HMGN1: variants seen among roughly 807,000 people sequenced by gnomAD.
HMGN1 encodes the protein high mobility group nucleosome binding domain 1.
Under a neutral mutation model 18.4 loss-of-function variants are expected in HMGN1, and 9 were observed. The ratio of observed to expected loss-of-function variants is 0.49; its 90% CI spans 0.29 to 0.85. HMGN1 has a LOEUF of 0.85. Ranked by LOEUF, HMGN1 falls within the 40% of genes least tolerant of loss-of-function variation. HMGN1 has a pLI of 0.07. For missense variants in HMGN1, 151 were observed against 119.2 expected (o/e 1.27, Z -1.24); for synonymous variants, 59 against 45.0 (o/e 1.31, Z -1.24).
At chr21:39,348,816 G>T in intron 1 of HMGN1, 87 bp downstream of exon 1, 2 of 1,044,814 alleles carry the variant, frequency 1.9e-6, no homozygotes, top group Non-Finnish European at 2.4e-6. Flanking sequence ...CGCCACCGTG[G>T]GTGCAACGGG....
rs755792513 is a variant in HMGN1 at position 39,348,357 on chromosome 21, C to T, written c.79-18G>A. On this transcript the variant is annotated intron_variant, in intron 3 of 5. Transcript: ENST00000380749. ...GGAGGTTTCTGAAAGGCAAAAGCAG[C>T]ACTGAGCGTCCTCACCCGGGACGAC... is the stretch of plus-strand genomic sequence containing the variant. The T allele has an allele frequency of 1.1e-5, 17 of 1,614,078 alleles. No individual in the cohort carries two copies. Among genetic ancestry groups the T allele is most frequent in the African/African-American group, 1.3e-5 (1 of 74,934 alleles).
Position 39,348,956 on chromosome 21 carries a change from GA to G in HMGN1, c.-40del. On this transcript the variant is annotated 5_prime_UTR_variant, in exon 1 of 6. Coordinates refer to ENST00000380749, the MANE Select transcript of HMGN1 (RefSeq NM_004965.7). Reference sequence around the variant, plus strand: ...AAGGCGCGTGCCGGGTGCCTGCGGGGAAGGCGCGTGCCGGGTGCCTGCGGGC... The same window carrying G: ...AAGGCGCGTGCCGGGTGCCTGCGGGGAGGCGCGTGCCGGGTGCCTGCGGGC... 8.3e-7 allele frequency: 1 copy of G among 1,199,312 alleles called. No individual in the cohort carries two copies. Among genetic ancestry groups the G allele is most frequent in the East Asian group, 3.5e-5 (1 of 28,958 alleles). The allele number at this position is 1,199,312 out of a possible 1,614,324, so 74.3% of individuals were successfully genotyped here. A position where few individuals can be genotyped will look rare whatever the true frequency, so the allele number is the denominator to read the frequency against.
intron 5 of HMGN1, among the ~76,000 whole-genome samples, chr21:39,343,540 T>A (rs1281481241): frequency 2.0e-5 from 3 of 152,256 alleles, no homozygotes; most frequent in Non-Finnish European, 2.9e-5. Flanking sequence ...CCCCCACGCA[T>A]CTTGTTCAAG....
chr21:39,343,230 G>T (rs1050126274), intron 5 of HMGN1, 71 bp from the exon 6 acceptor site: 2 of 1,426,432 alleles, frequency 1.4e-6, no homozygotes, highest in African/African-American at 2.9e-5. Context: ...CAACTATCAG[G>T]TCTTTAAAAA....
intron 5 of HMGN1, 117 bp downstream of exon 5, chr21:39,345,029 T>G (rs1443553553): frequency 8.0e-7 from 1 of 1,250,202 alleles, no homozygotes; most frequent in African/African-American, 1.5e-5. Flanking sequence ...CGTACAAAAC[T>G]TTGTTCAATA....
At chr21:39,347,623 A>G (rs2037102222) in intron 4 of HMGN1, 1 of 377,746 alleles carries the variant, frequency 2.6e-6, no homozygotes, top group South Asian at 2.0e-5. Flanking sequence ...CTATATCCAA[A>G]CACAAAGCTT....
In HMGN1 at chr21:39,342,732, G is replaced by T. The variant is rs563492035; in HGVS notation, c.*380C>A. On this transcript the variant is annotated 3_prime_UTR_variant, in exon 6 of 6. Coordinates refer to ENST00000380749, the MANE Select transcript of HMGN1 (RefSeq NM_004965.7). ...ACTAAAAAACAACATGGTAATAGAA[G>T]TAATTTAAAATGTTCAAGACATTAA... 1.0e-3 allele frequency: 451 copies of T among 444,264 alleles called. No homozygotes were observed. The highest frequency in any genetic ancestry group is 8.9e-3 in the African/African-American group (424 of 47,504). The allele number at this position is 444,264 out of a possible 1,614,324, so 27.5% of individuals were successfully genotyped here.
chr21:39,348,716 CG>C, intron 1 of HMGN1, 139 bp from the exon 2 acceptor site: 2 of 1,175,858 alleles, frequency 1.7e-6, no homozygotes, highest in Non-Finnish European at 2.3e-6. Context: ...TCAGCTCCCC[CG>C]GCCGCCAAAC....
chr21:39,348,529 G>A lies in HMGN1; in HGVS notation c.48+16C>T, dbSNP rs779944673. The A allele has an allele frequency of 7.1e-5, 114 of 1,613,378 alleles. No individual in the cohort carries two copies. Among genetic ancestry groups the A allele is most frequent in the Non-Finnish European group, 9.0e-5 (106 of 1,179,836 alleles). On this transcript the variant is annotated intron_variant, in intron 2 of 5. Coordinates refer to ENST00000380749, the MANE Select transcript of HMGN1 (RefSeq NM_004965.7). ...CACGGGAAACCCACCACCCCCCGCA[G>A]AAGGCCCGCACTCACCTCTTCCTTG...
intron 4 of HMGN1, chr21:39,348,056 A>C: frequency 9.8e-7 from 1 of 1,022,112 alleles, no homozygotes; most frequent in Non-Finnish European, 1.4e-6. Context: ...CTTAATATTT[A>C]ATATTTTTTG....
chr21:39,343,782 C>G (rs528242771), intron 5 of HMGN1, among the ~76,000 whole-genome samples: 18 of 152,214 alleles, frequency 1.2e-4, no homozygotes, highest in African/African-American at 3.9e-4. Context: ...CTGTACTTCC[C>G]CTATGTGAAA....
intron 4 of HMGN1, chr21:39,347,347 A>G: frequency 9.4e-7 from 1 of 1,064,796 alleles, no homozygotes; most frequent in Non-Finnish European, 1.2e-6. Flanking sequence ...AAAAATTTAA[A>G]TTAAAAAAGA....
chr21:39,348,712 C>T (rs1328089432), intron 1 of HMGN1, 135 bp from the exon 2 acceptor site: 2 of 1,168,638 alleles, frequency 1.7e-6, no homozygotes, highest in Non-Finnish European at 1.1e-6. Flanking sequence ...CCCCTCAGCT[C>T]CCCCGGCCGC....
chr21:39,349,022 G>A lies in HMGN1; in HGVS notation c.-105C>T, dbSNP rs1320159483. The A allele has an allele frequency of 3.9e-5, 45 of 1,160,594 alleles. No homozygotes were observed. Among genetic ancestry groups the A allele is most frequent in the East Asian group, 1.4e-4 (4 of 28,472 alleles). 71.9% of individuals were successfully genotyped at this position (1,160,594 alleles called of 1,614,324 possible). A position where few individuals can be genotyped will look rare whatever the true frequency, so the allele number is the denominator to read the frequency against. ...AGCCTTCGCGAAACTGGGCTGCCTTGCCGCTGCCACTCCTCCCGCCGCCCG... is the reference window on the plus strand; with the variant it reads ...AGCCTTCGCGAAACTGGGCTGCCTTACCGCTGCCACTCCTCCCGCCGCCCG... On this transcript the variant is annotated 5_prime_UTR_variant, in exon 1 of 6. Coordinates refer to ENST00000380749, the MANE Select transcript of HMGN1 (RefSeq NM_004965.7).
chr21:39,348,554 G>A lies in HMGN1; in HGVS notation c.39C>T (p.Ala13=). Residue 13 remains alanine, a synonymous_variant, in exon 2 of 6, where the codon GCC becomes GCT. Transcript: ENST00000380749. ...GAAGGCCCGCACTCACCTCTTCCTT[G>A]GCGGCGCCTTCGGCGGAGCTGACCT... ...KRKVSSAEGA[A]KEEPKRRSAR... 3.1e-6 allele frequency: 5 copies of A among 1,612,944 alleles called. No homozygotes were observed. The highest frequency in any genetic ancestry group is 4.2e-6 in the Non-Finnish European group (5 of 1,179,524).
intron 1 of HMGN1, 33 bp from the exon 2 acceptor site, chr21:39,348,610 G>GC (rs1283995357): frequency 2.6e-6 from 4 of 1,560,484 alleles, no homozygotes; most frequent in East Asian, 4.8e-5. Context: ...ATAGAGGCGG[G>GC]CCGCAGTCCC....
intron 4 of HMGN1, chr21:39,345,845 A>G (rs774693514): frequency 7.7e-7 from 1 of 1,302,212 alleles, no homozygotes; most frequent in South Asian, 1.2e-5. Context: ...AAAAAGCACC[A>G]TGCCGTACGG....
At chr21:39,348,201 G>C (rs940342443) in intron 4 of HMGN1, 91 bp downstream of exon 4, 81 of 1,475,910 alleles carry the variant, frequency 5.5e-5, no homozygotes, top group Non-Finnish European at 7.0e-5. Flanking sequence ...TATAAATAAA[G>C]CTCCAATAGC....
chr21:39,347,953 CTT>C (rs2037116642), intron 4 of HMGN1: 3 of 1,142,514 alleles, frequency 2.6e-6, no homozygotes, highest in Admixed American at 4.6e-5. Flanking sequence ...TATCTTGACT[CTT>C]TTATTGTCAA....
Sources: gnomAD v4.1 joint callset for allele counts (sites outside exome capture counted in the v4.1 genomes callset) on GRCh38, gnomAD v4.1.1 for gene constraint, MANE v1.5 for transcripts, NCBI Gene and HGNC (gene_info 2026-07-23, HGNC 2026-07-21) for gene names.